Variants in FRMPD2 observed in about 807,000 individuals in gnomAD.
The protein encoded by FRMPD2 is FERM and PDZ domain containing 2.
Under a neutral mutation model 140.1 loss-of-function variants are expected in FRMPD2, and 96 were observed. The ratio of observed to expected loss-of-function variants is 0.69; its 90% CI spans 0.58 to 0.81. The LOEUF (loss-of-function observed/expected upper bound fraction) is 0.81, where lower values mean the gene tolerates loss of function less well. Ranked by LOEUF, FRMPD2 falls within the 40% of genes least tolerant of loss-of-function variation. The probability of loss-of-function intolerance (pLI) is 0.00; values close to 1 mark genes in which losing one functional copy is unlikely to be tolerated. For synonymous variants in FRMPD2, 449 were observed against 547.6 expected, an observed-to-expected ratio of 0.82 and a Z score of 2.52; for missense variants, 1,240 against 1,447.4, an observed-to-expected ratio of 0.86 and a Z score of 2.32.
intron 14 of FRMPD2, 144 bp downstream of exon 14, chr10:48,206,604 A>C (rs1274121849): frequency 1.5e-6 from 1 of 654,694 alleles, no homozygotes; most frequent in Non-Finnish European, 2.6e-6. Context: ...GCAATGCATC[A>C]GAATGCAGGT....
intron 5 of FRMPD2, 45 bp from the exon 6 acceptor site, chr10:48,240,537 G>A (rs1273768867): frequency 2.5e-6 from 4 of 1,609,188 alleles, no homozygotes; most frequent in Non-Finnish European, 3.4e-6. Flanking sequence ...AGATAAGGAG[G>A]GGGCGTTTTT....
Position 48,232,204 on chromosome 10 carries a change from A to G in FRMPD2, c.1079T>C (p.Val360Ala), listed in dbSNP as rs780909146. 1 of 1,614,212 alleles carries G rather than the reference A, an allele frequency of 6.2e-7. No homozygotes were observed. The highest frequency in any genetic ancestry group is 1.1e-5 in the South Asian group (1 of 91,086). The change falls in exon 10 of 29, where the codon GTT (valine) becomes GCT (alanine). Residue 360 changes from valine (V) to alanine (A), a missense_variant. Transcript: ENST00000374201. ...GAAGACAGCTCCCACTGTTGATTCA[A>G]CATCACATTTTACCTCCAGGTGCTG... ...NGQHLEVKCD[V>A]ESTVGAVFNA... is the part of the protein sequence containing the mutation.
At chr10:48,241,702 T>C (rs949310224) in intron 5 of FRMPD2, among the ~76,000 whole-genome samples, 7 of 152,196 alleles carry the variant, frequency 4.6e-5, no homozygotes, top group African/African-American at 1.7e-4. Flanking sequence ...AGCAGCACAG[T>C]GTGACAAGCA....
At chr10:48,203,876 C>G (rs867725070) in intron 14 of FRMPD2, among the ~76,000 whole-genome samples, 3 of 152,300 alleles carry the variant, frequency 2.0e-5, no homozygotes, top group Middle Eastern at 6.8e-3. Flanking sequence ...CTCCTTGCCA[C>G]GTCCCTTCGC....
chr10:48,233,417 A>G (rs1175532263), intron 9 of FRMPD2, among the ~76,000 whole-genome samples: 1 of 152,222 alleles, frequency 6.6e-6, no homozygotes, highest in Non-Finnish European at 1.5e-5. Flanking sequence ...GGCCTAGGAA[A>G]TCAATATCTA....
chr10:48,256,222 C>G (rs1013134072), intron 1 of FRMPD2, among the ~76,000 whole-genome samples: 5 of 152,166 alleles, frequency 3.3e-5, no homozygotes, highest in African/African-American at 4.8e-5. Context: ...CCTGCCCCCC[C>G]ACCCAGGAAG....
At chr10:48,177,107 C>G (rs1838429419) in intron 22 of FRMPD2, among the ~76,000 whole-genome samples, 1 of 130,696 alleles carries the variant, frequency 7.7e-6, no homozygotes. Flanking sequence ...TAATGGATCA[C>G]TTTTTTTTTT....
At chr10:48,267,476 AT>A (rs1463437527) in intron 1 of FRMPD2, among the ~76,000 whole-genome samples, 1 of 152,238 alleles carries the variant, frequency 6.6e-6, no homozygotes, top group Non-Finnish European at 1.5e-5. Context: ...GACAACAGAC[AT>A]CAAAAGACAT....
chr10:48,233,441 A>G (rs553183843), intron 9 of FRMPD2, among the ~76,000 whole-genome samples: 9 of 152,134 alleles, frequency 5.9e-5, no homozygotes, highest in Non-Finnish European at 1.0e-4. Context: ...AAGCTTCCCA[A>G]GGTGATTTTG....
intron 7 of FRMPD2, among the ~76,000 whole-genome samples, chr10:48,238,977 T>C (rs950028127): frequency 6.6e-6 from 1 of 152,202 alleles, no homozygotes; most frequent in African/African-American, 2.4e-5. Flanking sequence ...TGCCGTCCTC[T>C]CTCCTCTCTC....
At chr10:48,258,530 C>T (rs914924362) in intron 1 of FRMPD2, among the ~76,000 whole-genome samples, 3 of 152,210 alleles carry the variant, frequency 2.0e-5, no homozygotes, top group Non-Finnish European at 4.4e-5. Flanking sequence ...TCCTACCTTA[C>T]AAGGTGGGTG....
intron 12 of FRMPD2, among the ~76,000 whole-genome samples, chr10:48,216,870 A>C (rs1839462937): frequency 6.6e-6 from 1 of 152,206 alleles, no homozygotes; most frequent in Non-Finnish European, 1.5e-5. Context: ...TCCTCCCAGG[A>C]CTTCCCAATG....
At position 48,274,674 on chromosome 10, in the gene FRMPD2, T is replaced by C; in HGVS notation, c.-107A>G. ...CCGCGGAGCTCCCTGCCACCAGCAC[T>C]GTTGCCGCTGTCTTTGTTTACTGCT... On this transcript the variant is annotated 5_prime_UTR_variant, in exon 1 of 29. Transcript: ENST00000374201. 1.0e-6 allele frequency: 1 copy of C among 999,334 alleles called. No homozygotes were observed. The highest frequency in any genetic ancestry group is 1.6e-6 in the Non-Finnish European group (1 of 639,770). 61.9% of individuals were successfully genotyped at this position (999,334 alleles called of 1,614,324 possible).
intron 20 of FRMPD2, 41 bp from the exon 21 acceptor site, chr10:48,181,049 G>T: frequency 2.1e-6 from 3 of 1,417,240 alleles, no homozygotes; most frequent in East Asian, 2.3e-5. Context: ...GCTTAAAAAG[G>T]CCGGTTTCTT....
intron 1 of FRMPD2, among the ~76,000 whole-genome samples, chr10:48,255,122 C>T (rs1840463739): frequency 6.6e-6 from 1 of 152,198 alleles, no homozygotes. Context: ...ATCTCTCATA[C>T]ACCTTCCCAG....
At chr10:48,240,745 T>C (rs1840087602) in intron 5 of FRMPD2, among the ~76,000 whole-genome samples, 1 of 152,152 alleles carries the variant, frequency 6.6e-6, no homozygotes, top group African/African-American at 2.4e-5. Flanking sequence ...ATTCCCTCCA[T>C]GGCTACAGCC....
In FRMPD2 at chr10:48,209,936, T is replaced by C. The variant is rs549843881; in HGVS notation, c.1611+2018A>G. Reference sequence around the variant, plus strand: ...TGTTAATTCAAAAGAAGTTTTCAAATGTTTAGATCTATGGGATTATATACA... The same window carrying C: ...TGTTAATTCAAAAGAAGTTTTCAAACGTTTAGATCTATGGGATTATATACA... On this transcript the variant is annotated intron_variant, in intron 13 of 28. Coordinates refer to ENST00000374201, the MANE Select transcript of FRMPD2 (RefSeq NM_001018071.4). Among the ~76,000 whole-genome samples the C allele has an allele frequency of 2.6e-5, 4 of 152,308 alleles. No homozygotes were observed. In the East Asian group the frequency reaches 7.7e-4, roughly 29 times the overall value.
intron 27 of FRMPD2, among the ~76,000 whole-genome samples, chr10:48,167,718 A>G (rs1203013985): frequency 3.3e-5 from 5 of 151,968 alleles, no homozygotes; most frequent in African/African-American, 1.2e-4. Context: ...AGGCCATGGT[A>G]CACAGATAGG....
chr10:48,246,205 G>A (rs577310136), intron 3 of FRMPD2, among the ~76,000 whole-genome samples: 117 of 152,334 alleles, frequency 7.7e-4, no homozygotes, highest in African/African-American at 2.7e-3. Context: ...CCACCCGCAA[G>A]GCTGGTCTTC....
Sources: gnomAD v4.1 joint callset for allele counts (sites outside exome capture counted in the v4.1 genomes callset) on GRCh38, gnomAD v4.1.1 for gene constraint, MANE v1.5 for transcripts, NCBI Gene and HGNC (gene_info 2026-07-23, HGNC 2026-07-21) for gene names.